The following XPO7 variants were observed in gnomAD, a reference collection of about 807,000 sequenced individuals.
The protein encoded by XPO7 is exportin-7.
In XPO7, 21 loss-of-function variants were observed where a neutral mutation model predicts 144.3. The ratio of observed to expected loss-of-function variants is 0.15; its 90% CI spans 0.10 to 0.21. XPO7 has a LOEUF of 0.21. Among genes scored for constraint, XPO7 ranks in the 10% least tolerant of loss-of-function variants. The probability of loss-of-function intolerance (pLI) is 1.00; values close to 1 mark genes in which losing one functional copy is unlikely to be tolerated. For synonymous variants in XPO7, 580 were observed against 499.6 expected (o/e 1.16, Z -2.15); for missense variants, 808 against 1,325.8 (o/e 0.61, Z 6.06).
At chr8:22,003,355 GTGGCAACCACGCACT>G (rs1563341542) in intron 26 of XPO7, 38 bp downstream of exon 26, 10 of 1,531,492 alleles carry the variant, frequency 6.5e-6, no homozygotes, top group Non-Finnish European at 8.9e-6. Flanking sequence ...CCCAGAAGCA[GTGGCAACCACGCACT>G]TGGTATCACC....
In XPO7 at chr8:21,999,527, CT is replaced by C; in HGVS notation, c.2644-8del. 6.2e-7 allele frequency: 1 copy of C among 1,613,888 alleles called. No individual in the cohort carries two copies. The highest frequency in any genetic ancestry group is 8.5e-7 in the Non-Finnish European group (1 of 1,179,810). On this transcript the variant is annotated splice_region_variant and splice_polypyrimidine_tract_variant and intron_variant, in intron 23 of 27. Transcript: ENST00000252512. ...CTAAGCTGATTTTCTTCCTCTTCCTCTCCCACAGGATTACCCCAAGCTCAGC... is the reference window on the plus strand; with the variant it reads ...CTAAGCTGATTTTCTTCCTCTTCCTCCCCACAGGATTACCCCAAGCTCAGC...
intron 1 of XPO7, among the ~76,000 whole-genome samples, chr8:21,946,087 T>A (rs981934479): frequency 6.6e-6 from 1 of 152,130 alleles, no homozygotes; most frequent in Non-Finnish European, 1.5e-5. Flanking sequence ...TGTCAACATA[T>A]GATGAGCTTA....
At chr8:21,937,781 A>G (rs187174165) in intron 1 of XPO7, among the ~76,000 whole-genome samples, 34 of 152,310 alleles carry the variant, frequency 2.2e-4, no homozygotes, top group Non-Finnish European at 3.8e-4. Flanking sequence ...AAAGGAATAT[A>G]TATTTGTTAA....
At chr8:21,958,960 C>T (rs1748201636) in intron 1 of XPO7, among the ~76,000 whole-genome samples, 1 of 88,792 alleles carries the variant, frequency 1.1e-5, no homozygotes, top group South Asian at 3.2e-4. Context: ...GACTCTGTCT[C>T]CAAAAAAAAA....
intron 1 of XPO7, among the ~76,000 whole-genome samples, chr8:21,948,158 C>T (rs767536258): frequency 4.6e-5 from 7 of 152,158 alleles, no homozygotes; most frequent in Non-Finnish European, 7.4e-5. Flanking sequence ...AGAAGCAGAG[C>T]GCAGATTTCA....
At chr8:22,004,124 G>A in intron 27 of XPO7, 94 bp downstream of exon 27, 2 of 1,529,552 alleles carry the variant, frequency 1.3e-6, no homozygotes, top group South Asian at 2.4e-5. Context: ...TGACATCTGT[G>A]TTTGGAGGCC....
Position 21,990,879 on chromosome 8 carries a change from C to A in XPO7, c.2001C>A (p.Thr667=). 1 of 1,613,962 alleles carries A rather than the reference C, an allele frequency of 6.2e-7. No homozygotes were observed. The highest frequency in any genetic ancestry group is 8.5e-7 in the Non-Finnish European group (1 of 1,179,874). ...TGACAGACATGCGGTGTCGGACTAC[C>A]TTCTACACAGCACTTGGGCGTCTCC... ...SNLTDMRCRT[T]FYTALGRLLM... The change falls in exon 18 of 28, where the codon ACC becomes ACA. Residue 667 remains threonine, a synonymous_variant. Transcript: ENST00000252512.
In XPO7 at chr8:21,999,569, C is replaced by T. The variant is rs1239486836; in HGVS notation, c.2677C>T (p.Leu893=). 6.2e-7 allele frequency: 1 copy of T among 1,614,036 alleles called. No individual in the cohort carries two copies. Among genetic ancestry groups the T allele is most frequent in the South Asian group, 1.1e-5 (1 of 91,084 alleles). ...CAAGCTCAGCCAGTCTTATTATTCA[C>T]TACTGGAAGTCCTGACCCAGGACCA... The part of the protein sequence containing the change: ...YPKLSQSYYS[L]LEVLTQDHMN... Residue 893 remains leucine (L), a synonymous_variant, in exon 24 of 28, where the codon CTA becomes TTA. Coordinates refer to ENST00000252512, the MANE Select transcript of XPO7 (RefSeq NM_015024.5).
At chr8:21,943,703 C>G (rs1811068207) in intron 1 of XPO7, among the ~76,000 whole-genome samples, 1 of 152,166 alleles carries the variant, frequency 6.6e-6, no homozygotes, top group Non-Finnish European at 1.5e-5. Context: ...ACCCAAATAT[C>G]TCACACATTT....
At chr8:21,985,156 A>G (rs1331318556) in intron 12 of XPO7, among the ~76,000 whole-genome samples, 1 of 152,174 alleles carries the variant, frequency 6.6e-6, no homozygotes, top group Non-Finnish European at 1.5e-5. Flanking sequence ...GGCATGTGCC[A>G]CCACACCTGG....
rs182139768 is a variant in XPO7, at chr8:21,970,293, G to A, written c.409G>A (p.Val137Ile). ...DYVFRNAITD[V>I]TRFLQDSVEY... ...TGTCTTCAGAAATGCAATCACAGAC[G>A]TCACAAGGTTTTTACAGGTACAGTG... is the stretch of plus-strand genomic sequence containing the variant. Residue 137 changes from valine to isoleucine, a missense_variant, in exon 4 of 28, where the codon GTC (valine) becomes ATC (isoleucine). By Grantham distance (29) the Val-to-Ile change is conservative. Around this residue, in one of 5 missense-constraint regions of XPO7, gnomAD observed 223 missense variants for 368.8 expected, o/e 0.60. Transcript: ENST00000252512. 5 of 1,613,314 alleles carry A rather than the reference G, an allele frequency of 3.1e-6. No individual in the cohort carries two copies. The highest frequency in any genetic ancestry group is 2.7e-5 in the African/African-American group (2 of 74,868).
chr8:21,921,747 C>A (rs775177692), intron 1 of XPO7: 4 of 152,126 alleles, frequency 2.6e-5, no homozygotes, highest in African/African-American at 4.8e-5. Context: ...TTATTGGTAC[C>A]CTTTATTTAC....
chr8:21,999,712 G>A (rs755782303), intron 24 of XPO7, 38 bp downstream of exon 24: 2 of 1,611,926 alleles, frequency 1.2e-6, no homozygotes, highest in African/African-American at 2.7e-5. Flanking sequence ...TGGTGGGTTT[G>A]TTTTTTACCA....
Position 21,959,972 on chromosome 8 carries a change from C to CCAAAA in XPO7, c.19-6881_19-6880insACAAA, listed in dbSNP as rs1811671498. ...ACCGAATTTGGTGAAGCAGTAGTAC[C>CCAAAA]CAAAGTTCAGCCCAAATCTGTTGTC... On this transcript the variant is annotated intron_variant, in intron 1 of 27. Transcript: ENST00000252512. 2.0e-5 allele frequency among the ~76,000 whole-genome samples: 3 copies of CCAAAA among 152,128 alleles called. No homozygotes were observed. The South Asian group carries it at 6.2e-4, about 32-fold the overall frequency.
At position 21,982,581 on chromosome 8, in the gene XPO7, A is replaced by C. The variant is rs530093488; in HGVS notation, c.1105-59A>C. 4.7e-6 allele frequency: 7 copies of C among 1,493,104 alleles called. No homozygotes were observed. In the East Asian group the frequency reaches 9.4e-5, roughly 20 times the overall value. The allele number at this position is 1,493,104 out of a possible 1,614,324, so 92.5% of individuals were successfully genotyped here. Reference sequence around the variant, plus strand: ...AGTCTTTATCTTCTGTGTCAGTGGCATGGGACTAACACGTACAGAAATGAA... The same window carrying C: ...AGTCTTTATCTTCTGTGTCAGTGGCCTGGGACTAACACGTACAGAAATGAA... On this transcript the variant is annotated intron_variant, in intron 10 of 27. Coordinates refer to ENST00000252512, the MANE Select transcript of XPO7 (RefSeq NM_015024.5).
chr8:21,976,566 A>G (rs1286227216), intron 7 of XPO7, 45 bp downstream of exon 7: 2 of 1,570,676 alleles, frequency 1.3e-6, no homozygotes. Flanking sequence ...TCACTCCCCT[A>G]CAGAGTGTCT....
intron 11 of XPO7, among the ~76,000 whole-genome samples, chr8:21,983,146 T>G (rs1178467299): frequency 6.6e-6 from 1 of 152,266 alleles, no homozygotes. Context: ...ATAAGAATTA[T>G]GTGTAACTTA....
chr8:21,985,525 G>A, intron 12 of XPO7, 61 bp from the exon 13 acceptor site: 3 of 1,463,228 alleles, frequency 2.1e-6, no homozygotes, highest in Non-Finnish European at 2.9e-6. Flanking sequence ...GAAGTTCAGA[G>A]TGAGGAATGT....
chr8:21,923,465 T>A (rs1810358723), intron 1 of XPO7, among the ~76,000 whole-genome samples: 1 of 152,234 alleles, frequency 6.6e-6, no homozygotes, highest in African/African-American at 2.4e-5. Flanking sequence ...ATTATTTTAC[T>A]CCTATTCAAC....
Sources: gnomAD v4.1 joint callset for allele counts (sites outside exome capture counted in the v4.1 genomes callset) on GRCh38, gnomAD v4.1.1 for gene constraint, gnomAD v4.1.1 regional missense constraint, MANE v1.5 for transcripts, NCBI Gene and HGNC (gene_info 2026-07-23, HGNC 2026-07-21) for gene names.